Variants in CRIM1 observed in about 807,000 individuals in gnomAD.
The protein encoded by CRIM1 is cysteine rich transmembrane BMP regulator 1.
In CRIM1, 32 loss-of-function variants were observed where a neutral mutation model predicts 116.4. The ratio of observed to expected loss-of-function variants is 0.27; its 90% CI spans 0.21 to 0.37. CRIM1 has a LOEUF of 0.37. Among genes scored for constraint, CRIM1 ranks in the 10% least tolerant of loss-of-function variants. The pLI is 1.00. For synonymous variants in CRIM1, 590 were observed against 509.2 expected, an observed-to-expected ratio of 1.16 and a Z score of -2.13; for missense variants, 1,331 against 1,354.8, an observed-to-expected ratio of 0.98 and a Z score of 0.28.
At chr2:36,480,536 T>C (rs1679328511) in intron 7 of CRIM1, among the ~76,000 whole-genome samples, 3 of 152,184 alleles carry the variant, frequency 2.0e-5, no homozygotes, top group South Asian at 4.1e-4. Flanking sequence ...AAAACAGATA[T>C]TGAAAAATGG....
intron 2 of CRIM1, among the ~76,000 whole-genome samples, chr2:36,417,951 C>A (rs1377727817): frequency 1.3e-5 from 2 of 152,120 alleles, no homozygotes; most frequent in East Asian, 3.8e-4. Flanking sequence ...AGAAGAAAGG[C>A]AGGAGGGCTT....
Position 36,409,956 on chromosome 2 carries a change from G to A in CRIM1, c.505+13169G>A, listed in dbSNP as rs188404979. Among the ~76,000 whole-genome samples the A allele has an allele frequency of 1.1e-4, 16 of 152,238 alleles. No individual in the cohort carries two copies. The East Asian group carries it at 2.3e-3, about 22-fold the overall frequency. On this transcript the variant is annotated intron_variant, in intron 2 of 16. Transcript: ENST00000280527. ...AGACCATTCTTTTAATGGTGCATAC[G>A]CTCTAAGATAAGAATAATGGATTCC... is the stretch of plus-strand genomic sequence containing the variant.
intron 14 of CRIM1, 99 bp from the exon 15 acceptor site, chr2:36,544,277 A>C: frequency 1.9e-6 from 2 of 1,060,842 alleles, no homozygotes; most frequent in Non-Finnish European, 2.5e-6. Flanking sequence ...GTCCCAGGAA[A>C]TGTGGTCTTG....
At chr2:36,402,105 G>C (rs1348902507) in intron 2 of CRIM1, among the ~76,000 whole-genome samples, 1 of 152,122 alleles carries the variant, frequency 6.6e-6, no homozygotes, top group Non-Finnish European at 1.5e-5. Context: ...GTGTCTCCTA[G>C]GTTTCTCAAA....
intron 6 of CRIM1, among the ~76,000 whole-genome samples, chr2:36,478,279 A>G (rs1679142170): frequency 1.3e-5 from 2 of 152,248 alleles, no homozygotes; most frequent in African/African-American, 4.8e-5. Context: ...TTGACAATTA[A>G]AAAGAATTAC....
At chr2:36,478,192 A>G (rs560324668) in intron 6 of CRIM1, among the ~76,000 whole-genome samples, 53 of 152,266 alleles carry the variant, frequency 3.5e-4, no homozygotes, top group Non-Finnish European at 7.2e-4. Context: ...AACATAGTTC[A>G]TAACAGTGAG....
chr2:36,449,258 A>G (rs189243454), intron 4 of CRIM1, among the ~76,000 whole-genome samples: 13 of 152,258 alleles, frequency 8.5e-5, no homozygotes, highest in Non-Finnish European at 1.6e-4. Context: ...TAGAGGGAGC[A>G]TTGTGGAGCT....
chr2:36,402,172 G>A (rs1364825973), intron 2 of CRIM1, among the ~76,000 whole-genome samples: 2 of 152,164 alleles, frequency 1.3e-5, no homozygotes, highest in Non-Finnish European at 2.9e-5. Flanking sequence ...CAAGAAAATA[G>A]CATATGGTAT....
At chr2:36,413,638 G>T (rs753046203) in intron 2 of CRIM1, among the ~76,000 whole-genome samples, 1 of 152,136 alleles carries the variant, frequency 6.6e-6, no homozygotes. Context: ...ACACACGTGC[G>T]TATCAATGGA....
At chr2:36,474,153 G>A (rs916872597) in intron 5 of CRIM1, among the ~76,000 whole-genome samples, 2 of 152,044 alleles carry the variant, frequency 1.3e-5, no homozygotes, top group African/African-American at 2.4e-5. Context: ...TTGAAGAAGT[G>A]TCTGTTCAAA....
intron 7 of CRIM1, among the ~76,000 whole-genome samples, chr2:36,487,373 A>G (rs1335075770): frequency 6.6e-6 from 1 of 152,198 alleles, no homozygotes; most frequent in African/African-American, 2.4e-5. Flanking sequence ...CACAAGTTAT[A>G]TGGGAAAAAT....
intron 1 of CRIM1, among the ~76,000 whole-genome samples, chr2:36,391,501 C>G (rs1671600377): frequency 1.3e-5 from 2 of 152,122 alleles, no homozygotes; most frequent in Non-Finnish European, 2.9e-5. Context: ...CTGTATTATA[C>G]TGACACCATT....
intron 5 of CRIM1, among the ~76,000 whole-genome samples, chr2:36,468,384 G>C (rs1321254292): frequency 1.3e-5 from 2 of 152,160 alleles, no homozygotes; most frequent in Non-Finnish European, 2.9e-5. Context: ...TGTTTTTGTA[G>C]TTTGATTTTA....
intron 7 of CRIM1, among the ~76,000 whole-genome samples, chr2:36,481,315 C>T (rs947766098): frequency 6.6e-6 from 1 of 152,180 alleles, no homozygotes; most frequent in African/African-American, 2.4e-5. Flanking sequence ...TTACCATTTT[C>T]TTAGCACACA....
rs756066467 is a variant in CRIM1, at chr2:36,441,334, C to T, written c.582C>T (p.Ile194=). 6.8e-6 allele frequency: 11 copies of T among 1,614,076 alleles called. No homozygotes were observed. The highest frequency in any genetic ancestry group is 3.3e-5 in the Admixed American group (2 of 60,004). ...GTTGTCCTGAAGATTCTGTTCTGAT[C>T]GAGGGTTATGCTCCTCCTGGGGAGT... ...SPRCPEDSVL[I]EGYAPPGECC... Residue 194 remains isoleucine (I), a synonymous_variant, in exon 3 of 17, where the codon ATC becomes ATT. Coordinates refer to ENST00000280527, the MANE Select transcript of CRIM1 (RefSeq NM_016441.3).
intron 2 of CRIM1, among the ~76,000 whole-genome samples, chr2:36,406,079 C>T (rs1162625710): frequency 6.6e-6 from 1 of 152,078 alleles, no homozygotes; most frequent in Non-Finnish European, 1.5e-5. Flanking sequence ...GCCATTATTT[C>T]AAAATATTTC....
chr2:36,382,455 C>A (rs971810461), intron 1 of CRIM1, among the ~76,000 whole-genome samples: 2 of 151,596 alleles, frequency 1.3e-5, no homozygotes, highest in African/African-American at 2.4e-5. Flanking sequence ...ATTAGTGCTC[C>A]GTGGCCATGC....
chr2:36,481,283 A>G (rs1679396159), intron 7 of CRIM1, among the ~76,000 whole-genome samples: 1 of 152,204 alleles, frequency 6.6e-6, no homozygotes, highest in African/African-American at 2.4e-5. Flanking sequence ...GTGAACAGGT[A>G]GATATATATA....
At chr2:36,535,301 T>C (rs368553740) in intron 13 of CRIM1, among the ~76,000 whole-genome samples, 1 of 152,146 alleles carries the variant, frequency 6.6e-6, no homozygotes, top group East Asian at 1.9e-4. Context: ...CATTGGATGA[T>C]TCTGTTCAGC....
Sources: allele counts gnomAD v4.1 joint callset (sites outside exome capture counted in the v4.1 genomes callset), GRCh38; gene constraint gnomAD v4.1.1; transcripts MANE v1.5; gene names NCBI Gene and HGNC (gene_info 2026-07-23, HGNC 2026-07-21).